Variants in GFPT1 observed in about 807,000 individuals in gnomAD.
GFPT1 encodes the protein glutamine--fructose-6-phosphate aminotransferase [isomerizing] 1.
GFPT1 carries 40 observed loss-of-function variants against 92.0 expected under a neutral mutation model. That is an observed-to-expected ratio of 0.43 (90% CI 0.34 to 0.57). GFPT1 has a LOEUF of 0.57. Ranked by LOEUF, GFPT1 falls within the 20% of genes least tolerant of loss-of-function variation. The pLI is 0.02. For synonymous variants in GFPT1, 269 were observed against 280.6 expected (o/e 0.96, Z 0.41); for missense variants, 448 against 869.1 (o/e 0.52, Z 6.09).
chr2:69,387,187 A>G lies in GFPT1; in HGVS notation c.-116T>C, dbSNP rs901648965. Reference sequence around the variant, plus strand: ...CGGGGGCCGGGGTGGCGCCGACACGACTCCCTCGGGGATGCGACGGCCAAG... The same window carrying G: ...CGGGGGCCGGGGTGGCGCCGACACGGCTCCCTCGGGGATGCGACGGCCAAG... On this transcript the variant is annotated 5_prime_UTR_variant, in exon 1 of 20. Transcript: ENST00000357308. The G allele has an allele frequency of 2.5e-6, 3 of 1,182,588 alleles. No homozygotes were observed. The highest frequency in any genetic ancestry group is 1.6e-5 in the African/African-American group (1 of 62,036). The allele number at this position is 1,182,588 out of a possible 1,614,324, so 73.3% of individuals were successfully genotyped here. A position where few individuals can be genotyped will look rare whatever the true frequency, so the allele number is the denominator to read the frequency against.
At chr2:69,327,103 A>T in intron 18 of GFPT1, 28 bp from the exon 19 acceptor site, 1 of 1,610,482 alleles carries the variant, frequency 6.2e-7, no homozygotes, top group South Asian at 1.1e-5. Context: ...ACACATACAC[A>T]ACATCACTGG....
chr2:69,328,229 CCT>C (rs1363568510), intron 18 of GFPT1, 40 bp downstream of exon 18: 1 of 1,490,620 alleles, frequency 6.7e-7, no homozygotes, highest in South Asian at 1.1e-5. Flanking sequence ...GCGTAACTCC[CCT>C]CTTTGATCCC....
In GFPT1 at chr2:69,325,300, T is replaced by A. The variant is rs2104592430; in HGVS notation, c.*889A>T. Reference sequence around the variant, plus strand: ...ATATCAATATTAATTTAATAGCAGCTCTGTGTTGTGATTTTAAAGAACAAG... The same window carrying A: ...ATATCAATATTAATTTAATAGCAGCACTGTGTTGTGATTTTAAAGAACAAG... On this transcript the variant is annotated 3_prime_UTR_variant, in exon 20 of 20. Transcript: ENST00000357308. 6.6e-6 allele frequency: 1 copy of A among 152,262 alleles called. No homozygotes were observed. Among genetic ancestry groups the A allele is most frequent in the East Asian group, 1.9e-4 (1 of 5,182 alleles). 9.4% of individuals were successfully genotyped at this position (152,262 alleles called of 1,614,324 possible). A position where few individuals can be genotyped will look rare whatever the true frequency, so the allele number is the denominator to read the frequency against.
chr2:69,383,631 T>C (rs916940907), intron 1 of GFPT1, among the ~76,000 whole-genome samples: 1 of 152,160 alleles, frequency 6.6e-6, no homozygotes, highest in African/African-American at 2.4e-5. Flanking sequence ...TACTTATTTA[T>C]TTATTTATTT....
In GFPT1 at chr2:69,329,236, T is replaced by C. The variant is rs574732326; in HGVS notation, c.1725+61A>G. The C allele has an allele frequency of 2.7e-6, 4 of 1,498,476 alleles. No homozygotes were observed. The South Asian group carries it at 3.4e-5, about 13-fold the overall frequency. 92.8% of individuals were successfully genotyped at this position (1,498,476 alleles called of 1,614,324 possible). ...ATTTCATTCATTTAATGTAAAAGTA[T>C]GACTATGTGTCAGGTCTGCAGGTCA... On this transcript the variant is annotated intron_variant, in intron 17 of 19. Transcript: ENST00000357308.
Position 69,374,258 on chromosome 2 carries a change from G to C in GFPT1, c.8-145C>G, listed in dbSNP as rs1254865064. 5.7e-6 allele frequency: 3 copies of C among 524,948 alleles called. No individual in the cohort carries two copies. In the East Asian group the frequency reaches 1.0e-4, roughly 18 times the overall value. The allele number at this position is 524,948 out of a possible 1,614,324, so 32.5% of individuals were successfully genotyped here. ...TTTAAAGGCAATGGAACTTTTTCAAGGGGGAGTTTCTCATAAGTATAAAAA... is the reference window on the plus strand; with the variant it reads ...TTTAAAGGCAATGGAACTTTTTCAACGGGGAGTTTCTCATAAGTATAAAAA... On this transcript the variant is annotated intron_variant, in intron 1 of 19. Coordinates refer to ENST00000357308, the MANE Select transcript of GFPT1 (RefSeq NM_001244710.2).
rs1670542791 is a variant in GFPT1, at chr2:69,326,795, T to TG, written c.2055+118dup. 4 of 960,486 alleles carry TG rather than the reference T, an allele frequency of 4.2e-6. No homozygotes were observed. The East Asian group carries it at 9.7e-5, about 23-fold the overall frequency. 59.5% of individuals were successfully genotyped at this position (960,486 alleles called of 1,614,324 possible). On this transcript the variant is annotated intron_variant, in intron 19 of 19. Transcript: ENST00000357308. ...AATTGGGCCATGAAAATATAACAGGTGACAGATATATATTTGATAGATTTC... is the reference window on the plus strand; with the variant it reads ...AATTGGGCCATGAAAATATAACAGGTGGACAGATATATATTTGATAGATTTC...
chr2:69,367,795 G>A (rs889633974), intron 3 of GFPT1, among the ~76,000 whole-genome samples: 1 of 152,208 alleles, frequency 6.6e-6, no homozygotes, highest in South Asian at 2.1e-4. Flanking sequence ...AAGAGTGGAA[G>A]TGCTTAGTCT....
rs564776611 is a variant in GFPT1 at position 69,362,555 on chromosome 2, T to C, written c.349+990A>G. 5.3e-5 allele frequency among the ~76,000 whole-genome samples: 8 copies of C among 152,242 alleles called. No homozygotes were observed. In the South Asian group the frequency reaches 8.3e-4, roughly 16 times the overall value. On this transcript the variant is annotated intron_variant, in intron 4 of 19. Coordinates refer to ENST00000357308, the MANE Select transcript of GFPT1 (RefSeq NM_001244710.2). ...GCTCACTCCTGTAATCCCAGCACTT[T>C]AGGAGGCTGAGGTGGGCGGATCACA...
chr2:69,386,966 CCA>C, intron 1 of GFPT1, 97 bp downstream of exon 1: 1 of 981,966 alleles, frequency 1.0e-6, no homozygotes, highest in South Asian at 1.4e-5. Flanking sequence ...TTCGCACCCT[CCA>C]CACTCCCGCT....
At position 69,348,312 on chromosome 2, in the gene GFPT1, G is replaced by A; in HGVS notation, c.868C>T (p.Arg290Cys). 1 of 1,612,470 alleles carries A rather than the reference G, an allele frequency of 6.2e-7. No homozygotes were observed. The highest frequency in any genetic ancestry group is 8.5e-7 in the Non-Finnish European group (1 of 1,178,502). ...TCATCATCTTCCAGAAAGATGACGC[G>A]ATTGGTGTGTTCTATGACAGCACTA... is the stretch of plus-strand genomic sequence containing the variant. ...DASAVIEHTN[R>C]VIFLEDDDVA... The change falls in exon 11 of 20, where the codon CGC becomes TGC. Residue 290 changes from arginine to cysteine, a missense_variant. Arg to Cys is a radical substitution (Grantham distance 180, BLOSUM62 -3). Transcript: ENST00000357308.
At chr2:69,343,503 C>G (rs560152913) in intron 12 of GFPT1, among the ~76,000 whole-genome samples, 2 of 152,146 alleles carry the variant, frequency 1.3e-5, no homozygotes, top group East Asian at 1.9e-4. Flanking sequence ...CTCCACCTCC[C>G]AGGTTCAAGC....
At chr2:69,363,980 T>G (rs1408573358) in intron 3 of GFPT1, among the ~76,000 whole-genome samples, 1 of 152,062 alleles carries the variant, frequency 6.6e-6, no homozygotes, top group East Asian at 1.9e-4. Context: ...CCAGGCATGG[T>G]GGCACGCGCC....
chr2:69,348,355 T>C, intron 10 of GFPT1, 21 bp from the exon 11 acceptor site: 2 of 1,573,814 alleles, frequency 1.3e-6, no homozygotes, highest in Non-Finnish European at 1.7e-6. Context: ...TTCAAGGAGA[T>C]ATTACAATCG....
At chr2:69,347,499 CAG>C (rs1361422864) in intron 11 of GFPT1, among the ~76,000 whole-genome samples, 2 of 141,374 alleles carry the variant, frequency 1.4e-5, no homozygotes, top group African/African-American at 2.7e-5. Flanking sequence ...TTTTTTGAGA[CAG>C]AGTTTTGCTC....
chr2:69,368,787 C>T (rs765496322), intron 3 of GFPT1, among the ~76,000 whole-genome samples: 40 of 152,000 alleles, frequency 2.6e-4, no homozygotes, highest in Non-Finnish European at 4.4e-4. Flanking sequence ...AATATGCTGA[C>T]ATTGAAAAAT....
chr2:69,385,928 C>T (rs971349281), intron 1 of GFPT1, among the ~76,000 whole-genome samples: 1 of 151,022 alleles, frequency 6.6e-6, no homozygotes, highest in East Asian at 1.9e-4. Flanking sequence ...TATACACTAA[C>T]GAGTACAATC....
At chr2:69,368,708 G>A (rs545056579) in intron 3 of GFPT1, among the ~76,000 whole-genome samples, 11 of 151,584 alleles carry the variant, frequency 7.3e-5, no homozygotes, top group South Asian at 4.2e-4. Flanking sequence ...CAGCCTGGGC[G>A]TTACAGCGAG....
intron 15 of GFPT1, among the ~76,000 whole-genome samples, chr2:69,333,285 T>C (rs1032663462): frequency 6.6e-6 from 1 of 152,240 alleles, no homozygotes; most frequent in African/African-American, 2.4e-5. Flanking sequence ...CTGTAGCCCA[T>C]AACTAAAAAT....
Sources: gnomAD v4.1 joint callset for allele counts (sites outside exome capture counted in the v4.1 genomes callset) on GRCh38, gnomAD v4.1.1 for gene constraint, MANE v1.5 for transcripts, NCBI Gene and HGNC (gene_info 2026-07-23, HGNC 2026-07-21) for gene names.